AGK: variants seen among roughly 807,000 people sequenced by gnomAD.
The protein encoded by AGK is acylglycerol kinase.
AGK carries 52 observed loss-of-function variants against 66.4 expected under a neutral mutation model. The observed-to-expected ratio is 0.78, with a 90% CI of 0.63 to 0.99. The LOEUF is 0.99. Ranked by LOEUF, AGK falls within the 50% of genes least tolerant of loss-of-function variation. The probability of loss-of-function intolerance (pLI) is 0.00; values close to 1 mark genes in which losing one functional copy is unlikely to be tolerated. For synonymous variants in AGK, 182 were observed against 181.1 expected (o/e 1.00, Z -0.04); for missense variants, 451 against 506.6 (o/e 0.89, Z 1.05).
chr7:141,641,931 A>G (rs1265812158), intron 13 of AGK, 23 bp downstream of exon 13: 1 of 1,550,680 alleles, frequency 6.4e-7, no homozygotes, highest in Admixed American at 1.9e-5. Context: ...TTTTATTAGA[A>G]AAGCATTTGG....
intron 1 of AGK, among the ~76,000 whole-genome samples, chr7:141,553,692 G>T (rs978338960): frequency 2.6e-5 from 4 of 152,162 alleles, no homozygotes; most frequent in African/African-American, 9.7e-5. Context: ...AGGAGTTCAA[G>T]AATTAGTTGG....
chr7:141,554,004 ACAT>A (rs991881613), intron 1 of AGK, among the ~76,000 whole-genome samples: 1 of 152,144 alleles, frequency 6.6e-6, no homozygotes, highest in African/African-American at 2.4e-5. Context: ...TTAAAAATAA[ACAT>A]CACCCACCAT....
At chr7:141,582,549 CT>C (rs1385340666) in intron 2 of AGK, among the ~76,000 whole-genome samples, 1 of 151,904 alleles carries the variant, frequency 6.6e-6, no homozygotes, top group African/African-American at 2.4e-5. Flanking sequence ...GCCTTCTGAC[CT>C]TTCAGGATCT....
intron 5 of AGK, among the ~76,000 whole-genome samples, chr7:141,607,055 C>T (rs760393586): frequency 4.6e-5 from 7 of 152,016 alleles, no homozygotes; most frequent in Non-Finnish European, 7.4e-5. Context: ...ATCCATTCAC[C>T]TACTGAAGTA....
chr7:141,612,557 A>G (rs78089223), intron 6 of AGK, among the ~76,000 whole-genome samples: 311 of 152,278 alleles, frequency 2.0e-3, no homozygotes, highest in Non-Finnish European at 3.2e-3. Context: ...TAAGGTGTCA[A>G]TGTAGGTCCA....
chr7:141,572,809 G>T (rs563102636), intron 2 of AGK, among the ~76,000 whole-genome samples: 21 of 152,230 alleles, frequency 1.4e-4, no homozygotes, highest in Middle Eastern at 3.4e-3. Flanking sequence ...GCTATGGGGG[G>T]GGGAAATGTG....
chr7:141,603,067 C>T (rs1367848142), intron 5 of AGK, among the ~76,000 whole-genome samples: 2 of 152,096 alleles, frequency 1.3e-5, no homozygotes, highest in Non-Finnish European at 2.9e-5. Flanking sequence ...GCTCTGTTTT[C>T]ATAAATGTTG....
chr7:141,614,374 G>C (rs1372080524), intron 7 of AGK, among the ~76,000 whole-genome samples, 196 bp downstream of exon 7: 1 of 151,764 alleles, frequency 6.6e-6, no homozygotes, highest in East Asian at 1.9e-4. Context: ...TTTCTGGTTT[G>C]GTAATTGATG....
chr7:141,631,880 T>C (rs1797064537), intron 9 of AGK, among the ~76,000 whole-genome samples: 1 of 152,156 alleles, frequency 6.6e-6, no homozygotes, highest in African/African-American at 2.4e-5. Context: ...CTCATGTACT[T>C]CAGGTCTCTG....
Position 141,602,280 on chromosome 7 carries a change from C to A in AGK, c.297+1000C>A, listed in dbSNP as rs556913057. Among the ~76,000 whole-genome samples the A allele has an allele frequency of 1.1e-4, 17 of 151,598 alleles. No homozygotes were observed. The South Asian group carries it at 3.3e-3, about 30-fold the overall frequency. The stretch of plus-strand genomic sequence containing the variant: ...AACTCCTGGACTCAAGTGATCCCCC[C>A]CACCTTGGCTTCCCAAAGTACTGGG... On this transcript the variant is annotated intron_variant, in intron 5 of 15. Transcript: ENST00000649286.
intron 5 of AGK, among the ~76,000 whole-genome samples, chr7:141,610,071 C>T (rs753138401): frequency 6.6e-6 from 1 of 151,408 alleles, no homozygotes; most frequent in African/African-American, 2.4e-5. Flanking sequence ...CAGGTTCAAG[C>T]GATTCTCCTG....
chr7:141,617,112 T>C (rs1796723389), intron 8 of AGK, among the ~76,000 whole-genome samples: 1 of 152,182 alleles, frequency 6.6e-6, no homozygotes, highest in Non-Finnish European at 1.5e-5. Context: ...TTTTCCAAGA[T>C]GAATCCTGTC....
chr7:141,646,384 A>G (rs543259453), intron 13 of AGK, among the ~76,000 whole-genome samples: 1 of 152,278 alleles, frequency 6.6e-6, no homozygotes, highest in East Asian at 1.9e-4. Context: ...ATTAGAGTAG[A>G]AAATCCTCTT....
chr7:141,624,733 G>T (rs190216566), intron 9 of AGK, among the ~76,000 whole-genome samples: 1 of 152,270 alleles, frequency 6.6e-6, no homozygotes, highest in East Asian at 1.9e-4. Flanking sequence ...ATGTAATCCT[G>T]GTGAGGATGC....
At chr7:141,565,832 A>G (rs777291770) in intron 2 of AGK, among the ~76,000 whole-genome samples, 2 of 152,120 alleles carry the variant, frequency 1.3e-5, no homozygotes, top group Non-Finnish European at 2.9e-5. Flanking sequence ...GTTCTTAATA[A>G]CAGCCTCCTC....
At position 141,598,566 on chromosome 7, in the gene AGK, G is replaced by A. The variant is rs930425051; in HGVS notation, c.221+1925G>A. On this transcript the variant is annotated intron_variant, in intron 4 of 15. Transcript: ENST00000649286. The surrounding 1 kb of genome is among the most constrained non-coding windows in gnomAD (Gnocchi z 4.2). Reference sequence around the variant, plus strand: ...GTACATACTTTAAAAATTATTATGTGGAATAGGGACCTTTGGTATTAAATG... The same window carrying A: ...GTACATACTTTAAAAATTATTATGTAGAATAGGGACCTTTGGTATTAAATG... Among the ~76,000 whole-genome samples, 1 of 152,124 alleles carries A rather than the reference G, an allele frequency of 6.6e-6. No individual in the cohort carries two copies. The highest frequency in any genetic ancestry group is 2.1e-4 in the South Asian group (1 of 4,824).
intron 2 of AGK, chr7:141,562,175 T>C: frequency 2.2e-6 from 1 of 454,590 alleles, no homozygotes; most frequent in South Asian, 1.6e-5. Flanking sequence ...ATGGATAGAC[T>C]CAGGACCTTT....
intron 2 of AGK, among the ~76,000 whole-genome samples, chr7:141,564,681 T>C (rs1253905043): frequency 6.6e-6 from 1 of 152,154 alleles, no homozygotes; most frequent in Non-Finnish European, 1.5e-5. Context: ...TTGACTCCCA[T>C]ATTCCTGTTT....
At chr7:141,595,189 T>C (rs1326712991) in intron 3 of AGK, among the ~76,000 whole-genome samples, 2 of 152,190 alleles carry the variant, frequency 1.3e-5, no homozygotes, top group Non-Finnish European at 2.9e-5. Flanking sequence ...TGCAAGTAGG[T>C]ACCAACTTTA....
Sources: allele counts gnomAD v4.1 joint callset (sites outside exome capture counted in the v4.1 genomes callset), GRCh38; gene constraint gnomAD v4.1.1; non-coding constraint Gnocchi (gnomAD v3.1); transcripts MANE v1.5; gene names NCBI Gene and HGNC (gene_info 2026-07-23, HGNC 2026-07-21).